Variants in MICAL3 observed in about 807,000 individuals in gnomAD.
MICAL3 encodes the protein [F-actin]-monooxygenase MICAL3.
In MICAL3, 62 loss-of-function variants were observed where a neutral mutation model predicts 207.4. The observed-to-expected ratio is 0.30, with a 90% CI of 0.24 to 0.37. The LOEUF (loss-of-function observed/expected upper bound fraction) is 0.37, where lower values mean the gene tolerates loss of function less well. MICAL3 is among the 10% of genes least tolerant of loss of function. The pLI is 1.00. For synonymous variants in MICAL3, 1,077 were observed against 1,069.3 expected (o/e 1.01, Z -0.14); for missense variants, 2,368 against 2,635.6 (o/e 0.90, Z 2.22).
chr22:17,937,045 C>A (rs114719583), intron 1 of MICAL3, among the ~76,000 whole-genome samples: 1 of 152,310 alleles, frequency 6.6e-6, no homozygotes, highest in South Asian at 2.1e-4. Flanking sequence ...ATCCCACTTA[C>A]AACTCGTAGT....
At chr22:17,845,755 C>T (rs933386086) in intron 19 of MICAL3, among the ~76,000 whole-genome samples, 1 of 152,220 alleles carries the variant, frequency 6.6e-6, no homozygotes, top group Non-Finnish European at 1.5e-5. Context: ...AAACCAGGCA[C>T]ATGTTCGCAA....
Position 17,790,730 on chromosome 22 carries a change from G to A in MICAL3, c.*2C>T, listed in dbSNP as rs1335489263. 1.3e-6 allele frequency: 2 copies of A among 1,591,784 alleles called. No homozygotes were observed. The highest frequency in any genetic ancestry group is 1.7e-6 in the Non-Finnish European group (2 of 1,168,948). ...ACAGAAAATGGAGCGTTGGGTGGGA[G>A]CTCAGGACCAGTTAAGGCTGAAGCC... On this transcript the variant is annotated 3_prime_UTR_variant, in exon 32 of 32. Coordinates refer to ENST00000441493, the MANE Select transcript of MICAL3 (RefSeq NM_015241.3).
At chr22:17,871,563 G>A (rs923172514) in intron 17 of MICAL3, among the ~76,000 whole-genome samples, 2 of 152,192 alleles carry the variant, frequency 1.3e-5, no homozygotes, top group Admixed American at 6.5e-5. Context: ...TTCCCACCCC[G>A]AGGTCAGAAA....
At chr22:17,817,283 C>G (rs1001028312) in intron 26 of MICAL3, 28 bp downstream of exon 26, 7 of 1,533,938 alleles carry the variant, frequency 4.6e-6, no homozygotes, top group Middle Eastern at 1.9e-4. Flanking sequence ...CCCGCTCTGC[C>G]TGCACGCGGA....
At chr22:17,917,846 C>T (rs140833883) in intron 1 of MICAL3, among the ~76,000 whole-genome samples, 249 of 152,360 alleles carry the variant, frequency 1.6e-3, no homozygotes, top group African/African-American at 5.5e-3. Flanking sequence ...CCGTCACTCT[C>T]GACCCACATC....
At chr22:17,829,940 G>A (rs764747555) in intron 21 of MICAL3, among the ~76,000 whole-genome samples, 1 of 152,158 alleles carries the variant, frequency 6.6e-6, no homozygotes, top group African/African-American at 2.4e-5. Context: ...AGTGAGATGT[G>A]TGCAGAGCCC....
chr22:17,972,711 C>T (rs1362271374), intron 1 of MICAL3, among the ~76,000 whole-genome samples: 2 of 152,134 alleles, frequency 1.3e-5, no homozygotes, highest in East Asian at 1.9e-4. Flanking sequence ...GGGCAGAGAG[C>T]TATGGATCTC....
At chr22:17,975,419 A>C (rs1935589330) in intron 1 of MICAL3, among the ~76,000 whole-genome samples, 1 of 151,812 alleles carries the variant, frequency 6.6e-6, no homozygotes, top group Non-Finnish European at 1.5e-5. Flanking sequence ...AATTCCCACA[A>C]CTTTCTGGTA....
intron 1 of MICAL3, among the ~76,000 whole-genome samples, chr22:17,964,773 T>C (rs909260774): frequency 3.3e-5 from 5 of 151,488 alleles, no homozygotes; most frequent in Non-Finnish European, 1.5e-5. Flanking sequence ...CTACAGAGGA[T>C]AAGGTCCAAT....
At chr22:17,855,089 A>C (rs950561277) in intron 19 of MICAL3, among the ~76,000 whole-genome samples, 6 of 152,178 alleles carry the variant, frequency 3.9e-5, no homozygotes, top group African/African-American at 9.7e-5. Context: ...CATGCCCAGG[A>C]GGCTTCCTGA....
chr22:17,840,037 TCTC>T (rs2146068896), intron 20 of MICAL3: 1 of 151,744 alleles, frequency 6.6e-6, no homozygotes, highest in East Asian at 1.9e-4. Flanking sequence ...TTCAAGTGAT[TCTC>T]CTGTGTGAGC....
At chr22:18,010,721 G>C (rs955011438) in intron 1 of MICAL3, among the ~76,000 whole-genome samples, 1 of 152,158 alleles carries the variant, frequency 6.6e-6, no homozygotes, top group African/African-American at 2.4e-5. Context: ...ACTGCCGGGA[G>C]GTGGAGACCT....
At chr22:17,926,626 T>C (rs1238863341) in intron 1 of MICAL3, among the ~76,000 whole-genome samples, 1 of 152,232 alleles carries the variant, frequency 6.6e-6, no homozygotes, top group Non-Finnish European at 1.5e-5. Context: ...ATCTCAATTC[T>C]AGTAAAACTG....
chr22:17,827,897 G>T, intron 21 of MICAL3, 116 bp from the exon 22 acceptor site: 1 of 1,123,660 alleles, frequency 8.9e-7, no homozygotes, highest in Non-Finnish European at 1.2e-6. Flanking sequence ...GTATGAATCA[G>T]AAAGAAGTAA....
intron 1 of MICAL3, among the ~76,000 whole-genome samples, chr22:17,986,034 G>T (rs12169766): frequency 0.41 from 62,876 of 151,970 alleles, 13,473 homozygotes; most frequent in South Asian, 0.56. Flanking sequence ...AGCCTCCCAG[G>T]TAGCTAGGAT....
At position 17,787,903 on chromosome 22, in the gene MICAL3, G is replaced by A. The variant is rs1202011388; in HGVS notation, c.*2829C>T. The A allele has an allele frequency of 6.6e-6, 1 of 152,266 alleles. No individual in the cohort carries two copies. Among genetic ancestry groups the A allele is most frequent in the African/African-American group, 2.4e-5 (1 of 41,476 alleles). 9.4% of individuals were successfully genotyped at this position (152,266 alleles called of 1,614,324 possible). A position where few individuals can be genotyped will look rare whatever the true frequency, so the allele number is the denominator to read the frequency against. On this transcript the variant is annotated 3_prime_UTR_variant, in exon 32 of 32. Coordinates refer to ENST00000441493, the MANE Select transcript of MICAL3 (RefSeq NM_015241.3). ...GCAGCATCCTCAAGCCCAGGGGCGG[G>A]AGCGCCTCCGGCCTGCCCTCCAGGG...
intron 1 of MICAL3, among the ~76,000 whole-genome samples, chr22:17,920,057 G>A (rs1186562603): frequency 6.6e-6 from 1 of 152,220 alleles, no homozygotes; most frequent in African/African-American, 2.4e-5. Context: ...GTCAGACAAG[G>A]CAACATTTCT....
At chr22:17,892,420 T>C (rs539466115) in intron 11 of MICAL3, among the ~76,000 whole-genome samples, 13 of 152,354 alleles carry the variant, frequency 8.5e-5, no homozygotes, top group Admixed American at 2.0e-4. Flanking sequence ...GTCTGTTCCC[T>C]TACCGAGGGC....
At chr22:17,938,876 G>A (rs962295134) in intron 1 of MICAL3, among the ~76,000 whole-genome samples, 1 of 152,168 alleles carries the variant, frequency 6.6e-6, no homozygotes, top group Admixed American at 6.5e-5. Context: ...ATCTGCGTGA[G>A]TCTCAGGCTC....
Sources: allele counts gnomAD v4.1 joint callset (sites outside exome capture counted in the v4.1 genomes callset), GRCh38; gene constraint gnomAD v4.1.1; transcripts MANE v1.5; gene names NCBI Gene and HGNC (gene_info 2026-07-23, HGNC 2026-07-21).